ARHGEF4: variants seen among roughly 807,000 people sequenced by gnomAD.
The protein encoded by ARHGEF4 is APC-stimulated guanine nucleotide exchange factor 1.
Under a neutral mutation model 162.0 loss-of-function variants are expected in ARHGEF4, and 119 were observed. The observed-to-expected ratio is 0.73, with a 90% confidence interval of 0.63 to 0.86. The LOEUF (loss-of-function observed/expected upper bound fraction) is 0.86, where lower values mean the gene tolerates loss of function less well. ARHGEF4 is among the 40% of genes least tolerant of loss of function. ARHGEF4 has a pLI of 0.00. For missense variants in ARHGEF4, 2,488 were observed against 2,456.0 expected (o/e 1.01, Z -0.28); for synonymous variants, 1,014 against 979.9 (o/e 1.03, Z -0.65).
At chr2:130,989,773 G>A (rs753160320) in intron 4 of ARHGEF4, among the ~76,000 whole-genome samples, 1 of 152,138 alleles carries the variant, frequency 6.6e-6, no homozygotes, top group Non-Finnish European at 1.5e-5. Flanking sequence ...TTATGACGGC[G>A]GGGCCTGTGT....
intron 4 of ARHGEF4, among the ~76,000 whole-genome samples, chr2:130,951,044 C>T (rs1683928828): frequency 6.6e-6 from 1 of 152,196 alleles, no homozygotes; most frequent in Admixed American, 6.5e-5. Flanking sequence ...TTACAGCTTC[C>T]TCACTTCTCT....
chr2:130,984,518 C>T (rs966810904), intron 4 of ARHGEF4, among the ~76,000 whole-genome samples: 5 of 149,554 alleles, frequency 3.3e-5, no homozygotes, highest in Non-Finnish European at 7.4e-5. Flanking sequence ...TGGTGAAACC[C>T]TGTCTCTACT....
Position 130,917,312 on chromosome 2 carries a change from C to T in ARHGEF4, c.3366C>T (p.Ser1122=). The part of the protein sequence containing the change: ...GSAISMVSLG[S]YSYVDSSSGD... ...CCATCTCCATGGTTTCTCTTGGAAGCTACAGCTACGTGGACAGCAGTTCAG... is the reference window on the plus strand; with the variant it reads ...CCATCTCCATGGTTTCTCTTGGAAGTTACAGCTACGTGGACAGCAGTTCAG... Residue 1122 remains serine, a synonymous_variant, in exon 2 of 14, where the codon AGC becomes AGT. Coordinates refer to ENST00000409359, the MANE Select transcript of ARHGEF4 (RefSeq NM_001367493.1). 6.4e-7 allele frequency: 1 copy of T among 1,550,480 alleles called. No homozygotes were observed. Among genetic ancestry groups the T allele is most frequent in the Non-Finnish European group, 8.7e-7 (1 of 1,147,012 alleles).
At chr2:131,008,434 T>TA (rs113069322) in intron 4 of ARHGEF4, among the ~76,000 whole-genome samples, 1,965 of 152,286 alleles carry the variant, frequency 0.013, 47 homozygotes, top group African/African-American at 0.045. Flanking sequence ...AAGTAGATAT[T>TA]CTCATGCAAC....
chr2:130,945,818 T>C (rs1450523945), intron 3 of ARHGEF4, among the ~76,000 whole-genome samples: 1 of 152,244 alleles, frequency 6.6e-6, no homozygotes, highest in Non-Finnish European at 1.5e-5. Flanking sequence ...GTCTTTATCA[T>C]TGTTTGTATA....
At chr2:131,044,011 T>C (rs955276083) in intron 11 of ARHGEF4, among the ~76,000 whole-genome samples, 5 of 152,150 alleles carry the variant, frequency 3.3e-5, no homozygotes, top group African/African-American at 1.2e-4. Context: ...ACGGGTGATC[T>C]TTCCTACGTG....
At chr2:130,841,787 G>A (rs1007890977) in intron 1 of ARHGEF4, among the ~76,000 whole-genome samples, 2 of 152,218 alleles carry the variant, frequency 1.3e-5, no homozygotes, top group African/African-American at 4.8e-5. Context: ...CACCAACACT[G>A]TATCCCTTCA....
rs1000415353 is a variant in ARHGEF4 at position 131,011,723 on chromosome 2, A to G, written c.3986-16222A>G. On this transcript the variant is annotated intron_variant, in intron 4 of 13. Coordinates refer to ENST00000409359, the MANE Select transcript of ARHGEF4 (RefSeq NM_001367493.1). ...AGGCCAGATGGGCAGCAAGCTTTGGATGCTGTGGTAAGGAGTTTTGACTGT... is the reference window on the plus strand; with the variant it reads ...AGGCCAGATGGGCAGCAAGCTTTGGGTGCTGTGGTAAGGAGTTTTGACTGT... The G allele has an allele frequency of 4.4e-6, 6 of 1,352,784 alleles. No homozygotes were observed. In the African/African-American group the frequency reaches 8.6e-5, roughly 19 times the overall value. The allele number at this position is 1,352,784 out of a possible 1,614,324, so 83.8% of individuals were successfully genotyped here.
chr2:130,848,259 C>T (rs1280061260), intron 1 of ARHGEF4, among the ~76,000 whole-genome samples: 3 of 152,208 alleles, frequency 2.0e-5, no homozygotes, highest in African/African-American at 7.2e-5. Flanking sequence ...AGCAGGGCCT[C>T]AGGCCAGGAT....
At chr2:131,034,886 GCCGCCC>G in intron 5 of ARHGEF4, 1 of 766,552 alleles carries the variant, frequency 1.3e-6, no homozygotes, top group Non-Finnish European at 1.6e-6. Flanking sequence ...CGCCGCCGCC[GCCGCCC>G]CCGCCCGCAC....
At chr2:130,985,342 A>G (rs1168979888) in intron 4 of ARHGEF4, among the ~76,000 whole-genome samples, 1 of 152,180 alleles carries the variant, frequency 6.6e-6, no homozygotes, top group Non-Finnish European at 1.5e-5. Context: ...TTACCAAAAC[A>G]CCAGGGGTTT....
At chr2:130,873,306 T>C (rs1425000865) in intron 1 of ARHGEF4, among the ~76,000 whole-genome samples, 1 of 152,022 alleles carries the variant, frequency 6.6e-6, no homozygotes, top group South Asian at 2.1e-4. Context: ...AGGAAGAAAA[T>C]AGGCCGGGCA....
At chr2:130,893,844 C>T (rs1251070672) in intron 1 of ARHGEF4, among the ~76,000 whole-genome samples, 2 of 152,178 alleles carry the variant, frequency 1.3e-5, no homozygotes, top group Non-Finnish European at 2.9e-5. Flanking sequence ...ACTTAGCAGG[C>T]GAGAAGAGCC....
intron 4 of ARHGEF4, among the ~76,000 whole-genome samples, chr2:130,981,887 C>G (rs185243261): frequency 1.0e-3 from 153 of 152,306 alleles, no homozygotes; most frequent in Middle Eastern, 3.4e-3. Context: ...CCAGTAAGTA[C>G]TCTAGTGCCA....
chr2:130,890,624 C>A (rs368591962), intron 1 of ARHGEF4, among the ~76,000 whole-genome samples: 7 of 151,578 alleles, frequency 4.6e-5, no homozygotes, highest in Admixed American at 4.6e-4. Flanking sequence ...TTTCTTTTAA[C>A]CTATCTTATA....
chr2:130,986,935 G>A (rs563934799), intron 4 of ARHGEF4, among the ~76,000 whole-genome samples: 8 of 152,330 alleles, frequency 5.3e-5, no homozygotes, highest in South Asian at 2.1e-4. Flanking sequence ...AGGTGAAGGC[G>A]GAGGACCACA....
intron 1 of ARHGEF4, among the ~76,000 whole-genome samples, chr2:130,890,976 G>A (rs1299787893): frequency 1.3e-5 from 2 of 152,140 alleles, no homozygotes; most frequent in Non-Finnish European, 2.9e-5. Flanking sequence ...TAGAAGCTCT[G>A]AGAAACTGAG....
chr2:130,917,416 A>G lies in ARHGEF4; in HGVS notation c.3470A>G (p.Gln1157Arg). 6.4e-7 allele frequency: 1 copy of G among 1,550,664 alleles called. No individual in the cohort carries two copies. Among genetic ancestry groups the G allele is most frequent in the Non-Finnish European group, 8.7e-7 (1 of 1,147,008 alleles). Residue 1157 changes from glutamine (Q) to arginine (R), a missense_variant, in exon 2 of 14, where the codon CAG (glutamine) becomes CGG (arginine). Physicochemically the swap from Gln to Arg is conservative, Grantham distance 43. Around this residue, in one of 6 missense-constraint regions of ARHGEF4, gnomAD observed 1,642 missense variants for 1,481.5 expected, o/e 1.11. Transcript: ENST00000409359. ...CTGCAGACGCTAAACCAAGATGAGC[A>G]GAAGGAAGAGAGCAGGGAAGGAGGC... ...LSLQTLNQDE[Q>R]KEESREGGQG...
At chr2:131,004,650 C>A (rs879367925) in intron 4 of ARHGEF4, among the ~76,000 whole-genome samples, 8 of 152,162 alleles carry the variant, frequency 5.3e-5, no homozygotes, top group Middle Eastern at 3.4e-3. Flanking sequence ...TGAGCGCCTG[C>A]CATCCTCAGC....
Sources: allele counts gnomAD v4.1 joint callset (sites outside exome capture counted in the v4.1 genomes callset), GRCh38; gene constraint gnomAD v4.1.1; regional missense constraint gnomAD v4.1.1; transcripts MANE v1.5; gene names NCBI Gene and HGNC (gene_info 2026-07-23, HGNC 2026-07-21).